SNTB1: variants seen among roughly 807,000 people sequenced by gnomAD.
The protein encoded by SNTB1 is beta-1-syntrophin.
In SNTB1, 36 loss-of-function variants were observed where a neutral mutation model predicts 48.9. That is an observed-to-expected ratio of 0.74 (90% CI 0.56 to 0.97). The LOEUF (loss-of-function observed/expected upper bound fraction) is 0.97, where lower values mean the gene tolerates loss of function less well. Ranked by LOEUF, SNTB1 falls within the 50% of genes least tolerant of loss-of-function variation. The pLI, the probability that SNTB1 is intolerant of heterozygous loss-of-function variation, is 0.00. For synonymous variants in SNTB1, 299 were observed against 294.6 expected, an observed-to-expected ratio of 1.01 and a Z score of -0.15; for missense variants, 786 against 703.4, an observed-to-expected ratio of 1.12 and a Z score of -1.33.
chr8:120,547,084 G>T (rs1162708684), intron 5 of SNTB1, among the ~76,000 whole-genome samples: 1 of 152,148 alleles, frequency 6.6e-6, no homozygotes, highest in East Asian at 1.9e-4. Context: ...CCTTTTTTGA[G>T]AATTTGCTTC....
intron 2 of SNTB1, among the ~76,000 whole-genome samples, chr8:120,680,794 G>C (rs927895985): frequency 2.0e-5 from 3 of 152,178 alleles, no homozygotes; most frequent in Non-Finnish European, 4.4e-5. Context: ...GACCTATATA[G>C]TGAGTCAAGA....
intron 3 of SNTB1, among the ~76,000 whole-genome samples, chr8:120,595,795 C>T (rs1816313453): frequency 6.6e-6 from 1 of 152,130 alleles, no homozygotes; most frequent in South Asian, 2.1e-4. Context: ...GTTGGTCAGG[C>T]TGGTCTCGAA....
chr8:120,653,280 A>G (rs1319184280), intron 2 of SNTB1, among the ~76,000 whole-genome samples: 1 of 152,154 alleles, frequency 6.6e-6, no homozygotes, highest in Non-Finnish European at 1.5e-5. Context: ...CCTAAATCCA[A>G]TGAGAGTGCT....
intron 1 of SNTB1, among the ~76,000 whole-genome samples, chr8:120,733,935 G>A (rs1818894895): frequency 6.6e-6 from 1 of 152,100 alleles, no homozygotes; most frequent in Admixed American, 6.5e-5. Flanking sequence ...TCTTGTTCAA[G>A]GCTAAATTCT....
At chr8:120,565,389 G>A (rs1815732311) in intron 4 of SNTB1, among the ~76,000 whole-genome samples, 1 of 152,136 alleles carries the variant, frequency 6.6e-6, no homozygotes, top group South Asian at 2.1e-4. Context: ...ACTGATGAAG[G>A]ACTTGAGGCA....
intron 1 of SNTB1, among the ~76,000 whole-genome samples, chr8:120,770,915 T>G (rs1182059863): frequency 1.3e-5 from 2 of 152,228 alleles, no homozygotes; most frequent in African/African-American, 4.8e-5. Flanking sequence ...GTCCCATGTT[T>G]ACAGACATTT....
chr8:120,557,006 A>T (rs1467642250), intron 4 of SNTB1, among the ~76,000 whole-genome samples: 2 of 152,216 alleles, frequency 1.3e-5, no homozygotes, highest in Non-Finnish European at 2.9e-5. Context: ...TAACACCAGG[A>T]TTCCCAAAGG....
At chr8:120,714,659 G>A (rs1818527114) in intron 1 of SNTB1, among the ~76,000 whole-genome samples, 2 of 152,174 alleles carry the variant, frequency 1.3e-5, no homozygotes, top group Non-Finnish European at 2.9e-5. Context: ...TGAACTAACA[G>A]ATGGGCTATG....
rs758198750 is a variant in SNTB1 at position 120,548,768 on chromosome 8, T to G, written c.1327A>C (p.Ser443Arg). 1.2e-6 allele frequency: 2 copies of G among 1,614,018 alleles called. No homozygotes were observed. Among genetic ancestry groups the G allele is most frequent in the Non-Finnish European group, 1.7e-6 (2 of 1,179,894 alleles). ...HNSAELIAEI[S>R]TACTYKNQEC... is the part of the protein sequence containing the mutation. ...AGCTCACTGCAGTACTCACCAGTGC[T>G]GATTTCAGCAATGAGTTCAGCAGAA... The change falls in exon 5 of 7, where the codon AGC becomes CGC. Residue 443 changes from serine (S) to arginine (R), a missense_variant. Physicochemically the swap from Ser to Arg is moderately radical, Grantham distance 110. Coordinates refer to ENST00000517992, the MANE Select transcript of SNTB1 (RefSeq NM_021021.4).
At chr8:120,744,731 G>A (rs530715935) in intron 1 of SNTB1, among the ~76,000 whole-genome samples, 3 of 152,232 alleles carry the variant, frequency 2.0e-5, no homozygotes, top group Admixed American at 1.3e-4. Flanking sequence ...ACCAAAACAA[G>A]CAGCAACTGC....
At chr8:120,544,973 A>C (rs1279801621) in intron 5 of SNTB1, among the ~76,000 whole-genome samples, 6 of 152,056 alleles carry the variant, frequency 3.9e-5, no homozygotes, top group Non-Finnish European at 8.8e-5. Context: ...AAAACATCTC[A>C]TTTTTCATGA....
intron 1 of SNTB1, among the ~76,000 whole-genome samples, chr8:120,768,291 T>C (rs1276663874): frequency 2.0e-5 from 3 of 152,210 alleles, no homozygotes; most frequent in Admixed American, 6.5e-5. Flanking sequence ...ACTTCAGCCA[T>C]GTGCGAGTAC....
chr8:120,658,902 A>T (rs1183904511), intron 2 of SNTB1, among the ~76,000 whole-genome samples: 1 of 151,932 alleles, frequency 6.6e-6, no homozygotes, highest in Non-Finnish European at 1.5e-5. Context: ...CTTTTATCAA[A>T]ATTGGAGTCA....
intron 1 of SNTB1, among the ~76,000 whole-genome samples, chr8:120,738,167 C>G (rs574811068): frequency 6.6e-6 from 1 of 152,156 alleles, no homozygotes; most frequent in Non-Finnish European, 1.5e-5. Flanking sequence ...AAGAAGACAC[C>G]TTCTATGAAC....
At chr8:120,580,734 A>G (rs897489732) in intron 3 of SNTB1, among the ~76,000 whole-genome samples, 6 of 152,220 alleles carry the variant, frequency 3.9e-5, no homozygotes, top group African/African-American at 1.2e-4. Context: ...GCATTGATCA[A>G]CTTCTAAATG....
chr8:120,594,565 G>A (rs1220063598), intron 3 of SNTB1, among the ~76,000 whole-genome samples: 1 of 152,054 alleles, frequency 6.6e-6, no homozygotes, highest in African/African-American at 2.4e-5. Flanking sequence ...GTAGAGACAG[G>A]GTCTTGCTAT....
intron 2 of SNTB1, among the ~76,000 whole-genome samples, chr8:120,676,041 A>C (rs571139106): frequency 1.3e-5 from 2 of 152,210 alleles, no homozygotes; most frequent in Non-Finnish European, 2.9e-5. Context: ...CTGTGATAAC[A>C]CTTGCTAAAT....
intron 3 of SNTB1, among the ~76,000 whole-genome samples, chr8:120,610,886 C>T (rs1816611530): frequency 6.6e-6 from 1 of 152,208 alleles, no homozygotes. Context: ...TCAGCCAACA[C>T]ACCTGCTGTG....
intron 4 of SNTB1, among the ~76,000 whole-genome samples, chr8:120,566,776 G>A (rs144461547): frequency 3.9e-5 from 6 of 152,316 alleles, no homozygotes; most frequent in Middle Eastern, 3.4e-3. Flanking sequence ...AACAGTCCCA[G>A]ATGGTGTTCC....
Sources: gnomAD v4.1 joint callset for allele counts (sites outside exome capture counted in the v4.1 genomes callset) on GRCh38, gnomAD v4.1.1 for gene constraint, MANE v1.5 for transcripts, NCBI Gene and HGNC (gene_info 2026-07-23, HGNC 2026-07-21) for gene names.